Variants in ERBB4 observed in about 807,000 individuals in gnomAD.
ERBB4 encodes the protein receptor tyrosine-protein kinase erbB-4.
ERBB4 carries 42 observed loss-of-function variants against 158.0 expected under a neutral mutation model. The ratio of observed to expected loss-of-function variants is 0.27; its 90% CI spans 0.21 to 0.34. The LOEUF (loss-of-function observed/expected upper bound fraction) is 0.34. ERBB4 is among the 10% of genes least tolerant of loss of function. The probability of loss-of-function intolerance (pLI) is 1.00; values close to 1 mark genes in which losing one functional copy is unlikely to be tolerated. For synonymous variants in ERBB4, 583 were observed against 558.7 expected (o/e 1.04, Z -0.61); for missense variants, 1,333 against 1,624.1 (o/e 0.82, Z 3.08).
At chr2:211,413,576 T>C (rs2063315961) in intron 25 of ERBB4, among the ~76,000 whole-genome samples, 1 of 152,074 alleles carries the variant, frequency 6.6e-6, no homozygotes, top group South Asian at 2.1e-4. Flanking sequence ...CCTTGGTAAA[T>C]TGCAACCACA....
intron 2 of ERBB4, among the ~76,000 whole-genome samples, chr2:211,956,527 T>G (rs1356863698): frequency 6.6e-6 from 1 of 152,090 alleles, no homozygotes; most frequent in East Asian, 1.9e-4. Context: ...CATCACTTAT[T>G]GACCTTGCGC....
intron 1 of ERBB4, among the ~76,000 whole-genome samples, chr2:212,265,240 T>C (rs1053868148): frequency 1.3e-5 from 2 of 152,088 alleles, no homozygotes; most frequent in Admixed American, 1.3e-4. Context: ...CTCAATGCCA[T>C]GGTACGTGTA....
intron 1 of ERBB4, among the ~76,000 whole-genome samples, chr2:212,362,744 A>G (rs2089736420): frequency 6.6e-6 from 1 of 151,362 alleles, no homozygotes; most frequent in Non-Finnish European, 1.5e-5. Context: ...AAAATTTAGT[A>G]ATTTTGGTCT....
intron 1 of ERBB4, among the ~76,000 whole-genome samples, chr2:212,279,098 T>C (rs2085655858): frequency 6.6e-6 from 1 of 151,598 alleles, no homozygotes; most frequent in Non-Finnish European, 1.5e-5. Flanking sequence ...TGCAACATAA[T>C]TTGCTTAATT....
At chr2:211,520,930 T>C (rs1338010125) in intron 20 of ERBB4, among the ~76,000 whole-genome samples, 1 of 152,150 alleles carries the variant, frequency 6.6e-6, no homozygotes, top group East Asian at 1.9e-4. Flanking sequence ...TATAAGACAA[T>C]GAACTTAATG....
intron 4 of ERBB4, among the ~76,000 whole-genome samples, chr2:211,763,768 G>T (rs1326065955): frequency 6.6e-6 from 1 of 151,676 alleles, no homozygotes; most frequent in East Asian, 1.9e-4. Flanking sequence ...AGATTAGGTA[G>T]CTCCACACCA....
chr2:211,833,954 C>A (rs909220578), intron 3 of ERBB4, among the ~76,000 whole-genome samples: 1 of 151,976 alleles, frequency 6.6e-6, no homozygotes, highest in African/African-American at 2.4e-5. Flanking sequence ...TCACTGGATG[C>A]CACCCCTAGG....
intron 20 of ERBB4, among the ~76,000 whole-genome samples, chr2:211,482,776 A>G (rs971789483): frequency 7.2e-5 from 11 of 152,050 alleles, no homozygotes; most frequent in Non-Finnish European, 1.6e-4. Context: ...GTGGTGGCAC[A>G]TGTCTGTAAT....
At chr2:211,985,876 G>A (rs1374248925) in intron 2 of ERBB4, among the ~76,000 whole-genome samples, 1 of 152,112 alleles carries the variant, frequency 6.6e-6, no homozygotes, top group African/African-American at 2.4e-5. Flanking sequence ...AGGGATCTTT[G>A]AAATAATCTT....
chr2:211,434,054 G>A (rs538064523), intron 20 of ERBB4, among the ~76,000 whole-genome samples: 3 of 152,230 alleles, frequency 2.0e-5, no homozygotes, highest in East Asian at 1.9e-4. Flanking sequence ...TTGTTTGAAC[G>A]ATGAAGAAAG....
At chr2:211,417,138 C>G (rs990000790) in intron 25 of ERBB4, among the ~76,000 whole-genome samples, 1 of 152,056 alleles carries the variant, frequency 6.6e-6, no homozygotes, top group Non-Finnish European at 1.5e-5. Flanking sequence ...CCTATTTTTA[C>G]ATCACGCTAG....
At chr2:211,451,367 A>T (rs963106953) in intron 20 of ERBB4, among the ~76,000 whole-genome samples, 1 of 152,200 alleles carries the variant, frequency 6.6e-6, no homozygotes, top group Non-Finnish European at 1.5e-5. Flanking sequence ...GAAATTGGAG[A>T]TGAAAAAGGA....
intron 5 of ERBB4, among the ~76,000 whole-genome samples, chr2:211,736,034 G>T (rs1299141702): frequency 6.6e-6 from 1 of 151,246 alleles, no homozygotes; most frequent in Non-Finnish European, 1.5e-5. Flanking sequence ...ATGGTGGTGT[G>T]CACCTGTAGT....
chr2:211,487,104 G>A (rs970265992), intron 20 of ERBB4, among the ~76,000 whole-genome samples: 8 of 150,350 alleles, frequency 5.3e-5, no homozygotes, highest in Admixed American at 2.0e-4. Context: ...CCATTAACTC[G>A]TCATTTACAT....
intron 1 of ERBB4, among the ~76,000 whole-genome samples, chr2:212,252,283 A>G (rs12466094): frequency 0.11 from 16,936 of 152,106 alleles, 1,249 homozygotes; most frequent in South Asian, 0.36. Flanking sequence ...TCCAACATTT[A>G]GAGGTAGAGG....
At chr2:211,599,528 T>TGTGTGTGTGTGTGTGTGTGTGTGTGC (rs2068737117) in intron 19 of ERBB4, among the ~76,000 whole-genome samples, 1 of 151,610 alleles carries the variant, frequency 6.6e-6, no homozygotes, top group African/African-American at 2.4e-5. Flanking sequence ...TGTGTGTGTG[T>TGTGTGTGTGTGTGTGTGTGTGTGTGC]GTGTGTGTTT....
chr2:211,523,127 T>C (rs1202865029), intron 20 of ERBB4, among the ~76,000 whole-genome samples: 1 of 146,430 alleles, frequency 6.8e-6, no homozygotes, highest in African/African-American at 2.5e-5. Flanking sequence ...CCACTGACAG[T>C]ACCCCACATA....
chr2:212,341,733 C>T (rs930801697), intron 1 of ERBB4, among the ~76,000 whole-genome samples: 6 of 152,054 alleles, frequency 3.9e-5, no homozygotes, highest in African/African-American at 1.4e-4. Context: ...CATGAATAAA[C>T]AGAGAAATCA....
intron 1 of ERBB4, among the ~76,000 whole-genome samples, chr2:212,163,067 C>T (rs2081248787): frequency 6.6e-6 from 1 of 151,934 alleles, no homozygotes. Context: ...TTCTGTTGGA[C>T]TCTCAGAATA....
Sources: allele counts gnomAD v4.1 joint callset (sites outside exome capture counted in the v4.1 genomes callset), GRCh38; gene constraint gnomAD v4.1.1; transcripts MANE v1.5; gene names NCBI Gene and HGNC (gene_info 2026-07-23, HGNC 2026-07-21).